Variants in AKAP13 observed in about 807,000 individuals in gnomAD.
The protein encoded by AKAP13 is A-kinase anchoring protein 13, also known as A-kinase anchor protein 13.
A neutral mutation model predicts 264.5 loss-of-function variants in AKAP13; 80 were observed. The ratio of observed to expected loss-of-function variants is 0.30; its 90% CI spans 0.25 to 0.36. The LOEUF is 0.36. Ranked by LOEUF, AKAP13 falls within the 10% of genes least tolerant of loss-of-function variation. The pLI, the probability that AKAP13 is intolerant of heterozygous loss-of-function variation, is 1.00. For missense variants in AKAP13, 3,712 were observed against 3,435.2 expected (o/e 1.08, Z -2.01); for synonymous variants, 1,380 against 1,250.2 (o/e 1.10, Z -2.19).
chr15:85,555,388 G>A, intron 5 of AKAP13: 1 of 1,274,332 alleles, frequency 7.8e-7, no homozygotes, highest in Non-Finnish European at 1.0e-6. Flanking sequence ...CACGCCTTTA[G>A]GAGGGGTAAC....
chr15:85,729,729 G>C (rs959299943), intron 29 of AKAP13, among the ~76,000 whole-genome samples: 1 of 152,094 alleles, frequency 6.6e-6, no homozygotes, highest in Non-Finnish European at 1.5e-5. Context: ...CCAAGGTCTG[G>C]AGTTCGAGAC....
At chr15:85,565,412 G>C (rs1378660090) in intron 5 of AKAP13, among the ~76,000 whole-genome samples, 1 of 152,130 alleles carries the variant, frequency 6.6e-6, no homozygotes, top group Non-Finnish European at 1.5e-5. Context: ...AATTTCTAGT[G>C]CATTTGGTTA....
intron 17 of AKAP13, among the ~76,000 whole-genome samples, chr15:85,700,819 TAAAA>T (rs541090240): frequency 1.3e-5 from 2 of 151,074 alleles, no homozygotes; most frequent in East Asian, 1.9e-4. Context: ...GGCAAGCCAT[TAAAA>T]AAAAACTGCT....
At chr15:85,472,210 A>C (rs8029973) in intron 1 of AKAP13, among the ~76,000 whole-genome samples, 1 of 142,842 alleles carries the variant, frequency 7.0e-6, no homozygotes, top group Admixed American at 7.3e-5. Context: ...AAAAAAAAAC[A>C]AAAAACAAAG....
At chr15:85,452,237 A>G (rs62022078) in intron 1 of AKAP13, among the ~76,000 whole-genome samples, 1 of 146,160 alleles carries the variant, frequency 6.8e-6, no homozygotes, top group Non-Finnish European at 1.5e-5. Flanking sequence ...TTTTTTTTAA[A>G]TACTGGTTAT....
At chr15:85,717,685 C>T (rs2087030341) in intron 21 of AKAP13, among the ~76,000 whole-genome samples, 1 of 152,222 alleles carries the variant, frequency 6.6e-6, no homozygotes, top group South Asian at 2.1e-4. Flanking sequence ...TTCTAGCTCA[C>T]AGAGCAATTG....
At chr15:85,611,029 G>A (rs1253499375) in intron 8 of AKAP13, among the ~76,000 whole-genome samples, 1 of 151,126 alleles carries the variant, frequency 6.6e-6, no homozygotes, top group African/African-American at 2.4e-5. Context: ...TGAAATAGTA[G>A]AATATTTAAA....
At chr15:85,602,585 C>G (rs1305436680) in intron 8 of AKAP13, among the ~76,000 whole-genome samples, 1 of 151,952 alleles carries the variant, frequency 6.6e-6, no homozygotes, top group African/African-American at 2.4e-5. Flanking sequence ...CTTCTGGATT[C>G]AAGTGATTCT....
At chr15:85,658,746 G>A (rs1414169416) in intron 12 of AKAP13, among the ~76,000 whole-genome samples, 156 bp downstream of exon 12, 1 of 152,146 alleles carries the variant, frequency 6.6e-6, no homozygotes, top group East Asian at 1.9e-4. Flanking sequence ...TTAATTGCTA[G>A]TGTCCATTTT....
rs2083056926 is a variant in AKAP13, at chr15:85,655,520, T to C, written c.4478T>C (p.Leu1493Pro). 1 of 1,614,098 alleles carries C rather than the reference T, an allele frequency of 6.2e-7. No homozygotes were observed. The highest frequency in any genetic ancestry group is 1.3e-5 in the African/African-American group (1 of 74,938). The change falls in exon 11 of 37, where the codon CTC becomes CCC. Residue 1493 changes from leucine (L) to proline (P), a missense_variant. Coordinates refer to ENST00000394518, the MANE Select transcript of AKAP13 (RefSeq NM_007200.5). ...TCTTCTCATGGCAGTGATGTGTCTC[T>C]CTCCCAGATTTTAAAGCCAAACAGG... is the stretch of plus-strand genomic sequence containing the variant. ...RHSSHGSDVSLSQILKPNRSR... is the reference protein window; with the variant it reads ...RHSSHGSDVSPSQILKPNRSR...
intron 1 of AKAP13, among the ~76,000 whole-genome samples, chr15:85,440,070 C>T (rs1203485321): frequency 6.6e-6 from 1 of 152,088 alleles, no homozygotes. Context: ...GAACACCTAA[C>T]AAAGCTTTCA....
chr15:85,709,214 C>T (rs1436053819), intron 18 of AKAP13, among the ~76,000 whole-genome samples: 5 of 152,156 alleles, frequency 3.3e-5, no homozygotes, highest in African/African-American at 1.2e-4. Context: ...TCCCTGTACC[C>T]AGCACTCCCA....
At chr15:85,558,557 T>A (rs1216592777) in intron 5 of AKAP13, among the ~76,000 whole-genome samples, 1 of 152,206 alleles carries the variant, frequency 6.6e-6, no homozygotes, top group East Asian at 1.9e-4. Flanking sequence ...TGTGTCTTTT[T>A]TCCTGAACTG....
At position 85,575,148 on chromosome 15, in the gene AKAP13, C is replaced by T; in HGVS notation, c.680C>T (p.Pro227Leu). ...GCATGTAGGGAGAATGCTGGAGAAC[C>T]AGACTCCTGGAGCAGTTTATCCTAT... Reference protein sequence around the residue: ...QLLTEENAGEPDSWSSLSYEI... With the variant: ...QLLTEENAGELDSWSSLSYEI... Residue 227 changes from proline (P) to leucine (L), a missense_variant, in exon 6 of 37, where the codon CCA (proline) becomes CTA (leucine). This residue lies in a region of AKAP13 where 2,759 missense variants were observed against 2,411.7 expected (regional missense o/e 1.14). Transcript: ENST00000394518. 1 of 1,614,004 alleles carries T rather than the reference C, an allele frequency of 6.2e-7. No homozygotes were observed. Among genetic ancestry groups the T allele is most frequent in the Non-Finnish European group, 8.5e-7 (1 of 1,179,982 alleles).
At position 85,718,183 on chromosome 15, in the gene AKAP13, A is replaced by T. The variant is rs2087060270; in HGVS notation, c.6001+24A>T. The T allele has an allele frequency of 6.2e-7, 1 of 1,608,152 alleles. No homozygotes were observed. Among genetic ancestry groups the T allele is most frequent in the Non-Finnish European group, 8.5e-7 (1 of 1,175,550 alleles). Reference sequence around the variant, plus strand: ...TGGTGAGAGTCTTCATTTTGCTCTGATTATATTTGATTTCCATTGTCCAGC... The same window carrying T: ...TGGTGAGAGTCTTCATTTTGCTCTGTTTATATTTGATTTCCATTGTCCAGC... On this transcript the variant is annotated intron_variant, in intron 22 of 36. Transcript: ENST00000394518. This position sits in a 1 kb window ranked among gnomAD's most constrained non-coding sequence, Gnocchi z 4.9.
At chr15:85,678,286 C>G (rs985288367) in intron 14 of AKAP13, among the ~76,000 whole-genome samples, 5 of 152,140 alleles carry the variant, frequency 3.3e-5, no homozygotes, top group Non-Finnish European at 2.9e-5. Context: ...CACCCTAATT[C>G]CCTACCACTT....
At chr15:85,506,838 C>G (rs1044490831) in intron 2 of AKAP13, among the ~76,000 whole-genome samples, 3 of 152,188 alleles carry the variant, frequency 2.0e-5, no homozygotes, top group Admixed American at 1.3e-4. Flanking sequence ...AATATAAAGG[C>G]TGATCCTTGG....
At chr15:85,714,391 A>G (rs1028404580) in intron 19 of AKAP13, among the ~76,000 whole-genome samples, 1 of 152,212 alleles carries the variant, frequency 6.6e-6, no homozygotes, top group Non-Finnish European at 1.5e-5. Context: ...ATGTAGTTCA[A>G]ACCCATGTTG....
At chr15:85,669,863 T>A (rs751464267) in intron 14 of AKAP13, 33 bp downstream of exon 14, 1 of 1,449,192 alleles carries the variant, frequency 6.9e-7, no homozygotes, top group Middle Eastern at 1.8e-4. Flanking sequence ...AAATTAAATA[T>A]ATTAAATCTT....
Sources: allele counts gnomAD v4.1 joint callset (sites outside exome capture counted in the v4.1 genomes callset), GRCh38; gene constraint gnomAD v4.1.1; regional missense constraint gnomAD v4.1.1; non-coding constraint Gnocchi (gnomAD v3.1); transcripts MANE v1.5; gene names NCBI Gene and HGNC (gene_info 2026-07-23, HGNC 2026-07-21).